ZNF664: variants seen among roughly 807,000 people sequenced by gnomAD.
The protein encoded by ZNF664 is zinc finger protein 664, also known as zinc finger Organ of Corti 1.
In ZNF664, 10 loss-of-function variants were observed where a neutral mutation model predicts 18.2. The observed-to-expected ratio is 0.55, with a 90% CI of 0.34 to 0.93. The LOEUF is 0.93. ZNF664 is among the 40% of genes least tolerant of loss of function. ZNF664 has a pLI of 0.02. For missense variants in ZNF664, 193 were observed against 319.0 expected, an observed-to-expected ratio of 0.61 and a Z score of 3.01; for synonymous variants, 119 against 104.2, an observed-to-expected ratio of 1.14 and a Z score of -0.86.
In ZNF664 at chr12:123,987,977, A is replaced by G. The variant is rs1461235451; in HGVS notation, c.-756-66A>G. ...ACGTTTATAGTAGCTAGTTCATGAA[A>G]ACATTTTGTGATCCTAAATTCTCTA... On this transcript the variant is annotated intron_variant, in intron 2 of 4. Coordinates refer to ENST00000337815, the MANE Select transcript of ZNF664 (RefSeq NM_152437.3). 2.4e-6 allele frequency: 3 copies of G among 1,230,340 alleles called. No homozygotes were observed. In the African/African-American group the frequency reaches 4.7e-5, roughly 19 times the overall value. The allele number at this position is 1,230,340 out of a possible 1,614,324, so 76.2% of individuals were successfully genotyped here.
At position 124,013,988 on chromosome 12, in the gene ZNF664, A is replaced by G. The variant is rs1368861908; in HGVS notation, c.*1058A>G. On this transcript the variant is annotated 3_prime_UTR_variant, in exon 5 of 5. Coordinates refer to ENST00000337815, the MANE Select transcript of ZNF664 (RefSeq NM_152437.3). ...TTCATTCAACAAATATGTATTGAAC[A>G]CCTCCTATATGCCAGGCACTGTGCT... 6.0e-6 allele frequency: 1 copy of G among 167,060 alleles called. No individual in the cohort carries two copies. Among genetic ancestry groups the G allele is most frequent in the Non-Finnish European group, 1.5e-5 (1 of 68,142 alleles). 10.3% of individuals were successfully genotyped at this position (167,060 alleles called of 1,614,324 possible). A position where few individuals can be genotyped will look rare whatever the true frequency, so the allele number is the denominator to read the frequency against.
intron 3 of ZNF664, 109 bp downstream of exon 3, chr12:123,988,247 C>CA: frequency 9.6e-7 from 1 of 1,041,532 alleles, no homozygotes; most frequent in Non-Finnish European, 1.2e-6. Flanking sequence ...CCTTTGGGCT[C>CA]AGTGAGGAAG....
At position 123,973,829 on chromosome 12, in the gene ZNF664, C is replaced by G; in HGVS notation, c.-891-57C>G. The stretch of plus-strand genomic sequence containing the variant: ...GGCGGTCATGGCCGCGCCAGGGGAC[C>G]GGGGAGCCGGGCGGCTGCGGAGGAG... On this transcript the variant is annotated intron_variant, in intron 1 of 4. Transcript: ENST00000337815. 2.5e-6 allele frequency: 3 copies of G among 1,176,778 alleles called. 1 individual carries two copies. The allele number at this position is 1,176,778 out of a possible 1,614,324, so 72.9% of individuals were successfully genotyped here. A position where few individuals can be genotyped will look rare whatever the true frequency, so the allele number is the denominator to read the frequency against.
chr12:123,999,593 T>C (rs1180832831), intron 3 of ZNF664, among the ~76,000 whole-genome samples: 4 of 152,240 alleles, frequency 2.6e-5, no homozygotes, highest in Non-Finnish European at 2.9e-5. Context: ...TAGATTTTTC[T>C]GAGCCAGCAG....
In ZNF664 at chr12:124,006,806, T is replaced by A. The variant is rs567394856; in HGVS notation, c.-660-4575T>A. On this transcript the variant is annotated intron_variant, in intron 3 of 4. Coordinates refer to ENST00000337815, the MANE Select transcript of ZNF664 (RefSeq NM_152437.3). ...CTTGCAGGTGCAGGCTCTGAGTTTGTCCTTGGCAGCCTTCCTCCTCAGGTC... is the reference window on the plus strand; with the variant it reads ...CTTGCAGGTGCAGGCTCTGAGTTTGACCTTGGCAGCCTTCCTCCTCAGGTC... Among the ~76,000 whole-genome samples the A allele has an allele frequency of 7.9e-5, 12 of 152,292 alleles. No individual in the cohort carries two copies. In the East Asian group the frequency reaches 1.9e-3, roughly 25 times the overall value.
At position 124,011,841 on chromosome 12, in the gene ZNF664, T is replaced by C; in HGVS notation, c.-304T>C. 18 of 1,181,560 alleles carry C rather than the reference T, an allele frequency of 1.5e-5. No individual in the cohort carries two copies. Among genetic ancestry groups the C allele is most frequent in the Non-Finnish European group, 1.8e-5 (17 of 957,240 alleles). 73.2% of individuals were successfully genotyped at this position (1,181,560 alleles called of 1,614,324 possible). A position where few individuals can be genotyped will look rare whatever the true frequency, so the allele number is the denominator to read the frequency against. ...AAAGGTTTGCACTTTGAGAGCCCCTTGGAATGTTGACAACTCAGGATCTAA... is the reference window on the plus strand; with the variant it reads ...AAAGGTTTGCACTTTGAGAGCCCCTCGGAATGTTGACAACTCAGGATCTAA... On this transcript the variant is annotated 5_prime_UTR_variant, in exon 5 of 5. Transcript: ENST00000337815.
chr12:124,008,718 T>C (rs1189732423), intron 3 of ZNF664, among the ~76,000 whole-genome samples: 1 of 152,226 alleles, frequency 6.6e-6, no homozygotes. Flanking sequence ...TCTACAGTCA[T>C]TATGAGCTCC....
chr12:123,991,683 G>A (rs189483708), intron 3 of ZNF664, among the ~76,000 whole-genome samples: 16 of 152,342 alleles, frequency 1.1e-4, no homozygotes, highest in Admixed American at 2.0e-4. Flanking sequence ...ATCAGCCACA[G>A]TCACATAGCA....
chr12:124,004,157 G>T (rs1354862835), intron 3 of ZNF664, among the ~76,000 whole-genome samples: 1 of 152,218 alleles, frequency 6.6e-6, no homozygotes, highest in African/African-American at 2.4e-5. Flanking sequence ...CACAGATTTG[G>T]GAGGGAGCAC....
rs185199401 is a variant in ZNF664 at position 123,983,355 on chromosome 12, A to G, written c.-756-4688A>G. Among the ~76,000 whole-genome samples, 481 of 152,312 alleles carry G rather than the reference A, an allele frequency of 3.2e-3. 3 individuals are homozygous for G. The highest frequency in any genetic ancestry group is 0.015 in the South Asian group (72 of 4,824). Reference sequence around the variant, plus strand: ...TCGTATTGCTTTTTAACGCTAAAACATTTCTACACCTTTATTCTGATTCTG... The same window carrying G: ...TCGTATTGCTTTTTAACGCTAAAACGTTTCTACACCTTTATTCTGATTCTG... On this transcript the variant is annotated intron_variant, in intron 2 of 4. Transcript: ENST00000337815.
intron 3 of ZNF664, among the ~76,000 whole-genome samples, chr12:123,990,811 G>A (rs1956880465): frequency 6.6e-6 from 1 of 151,966 alleles, no homozygotes; most frequent in South Asian, 2.1e-4. Context: ...GCAGGAAAGT[G>A]GGTTTTCTTA....
intron 3 of ZNF664, among the ~76,000 whole-genome samples, chr12:124,002,841 T>G (rs1957029316): frequency 6.6e-6 from 1 of 152,012 alleles, no homozygotes; most frequent in Non-Finnish European, 1.5e-5. Flanking sequence ...TAAAGAGTAT[T>G]TTAGATCACG....
chr12:123,985,099 A>G (rs1956808612), intron 2 of ZNF664, among the ~76,000 whole-genome samples: 1 of 152,030 alleles, frequency 6.6e-6, no homozygotes, highest in South Asian at 2.1e-4. Flanking sequence ...GTGCACACAG[A>G]AGGTATTATA....
At chr12:123,987,384 C>T (rs892691662) in intron 2 of ZNF664, among the ~76,000 whole-genome samples, 10 of 152,102 alleles carry the variant, frequency 6.6e-5, no homozygotes, top group African/African-American at 1.7e-4. Context: ...ATAGCAGAGG[C>T]GGGGAGGTAG....
chr12:123,974,244 TAAC>T (rs1412329633), intron 2 of ZNF664: 1 of 392,630 alleles, frequency 2.5e-6, no homozygotes, highest in African/African-American at 2.1e-5. Flanking sequence ...TGCCGAACTC[TAAC>T]AACTAAATCT....
chr12:123,986,955 A>G (rs888168215), intron 2 of ZNF664, among the ~76,000 whole-genome samples: 13 of 152,220 alleles, frequency 8.5e-5, no homozygotes, highest in Non-Finnish European at 1.8e-4. Flanking sequence ...AAAATAGCTA[A>G]ATGTGTTGAA....
chr12:123,997,106 T>G (rs867467451), intron 3 of ZNF664, among the ~76,000 whole-genome samples: 2 of 152,200 alleles, frequency 1.3e-5, no homozygotes, highest in African/African-American at 2.4e-5. Flanking sequence ...TAAAAATATT[T>G]AAGTGAAATC....
intron 3 of ZNF664, among the ~76,000 whole-genome samples, chr12:123,995,305 C>T (rs1258031854): frequency 6.6e-6 from 1 of 152,214 alleles, no homozygotes; most frequent in Non-Finnish European, 1.5e-5. Flanking sequence ...AGGCACTTGC[C>T]AAGAACCACA....
At chr12:123,998,033 C>A (rs897757515) in intron 3 of ZNF664, among the ~76,000 whole-genome samples, 50 of 152,090 alleles carry the variant, frequency 3.3e-4, no homozygotes, top group African/African-American at 1.2e-3. Context: ...AAAGAGTGTT[C>A]CCTGTTCCAG....
Sources: allele counts gnomAD v4.1 joint callset (sites outside exome capture counted in the v4.1 genomes callset), GRCh38; gene constraint gnomAD v4.1.1; transcripts MANE v1.5; gene names NCBI Gene and HGNC (gene_info 2026-07-23, HGNC 2026-07-21).